Variants in ATL1 observed in about 807,000 individuals in gnomAD.
The protein encoded by ATL1 is atlastin GTPase 1, also known as atlastin-1.
ATL1 carries 31 observed loss-of-function variants against 75.5 expected under a neutral mutation model. The observed-to-expected ratio is 0.41, with a 90% CI of 0.31 to 0.55. The LOEUF is 0.55. Among genes scored for constraint, ATL1 ranks in the 20% least tolerant of loss-of-function variants. ATL1 has a pLI of 0.27. For synonymous variants in ATL1, 226 were observed against 233.3 expected, an observed-to-expected ratio of 0.97 and a Z score of 0.28; for missense variants, 405 against 662.6, an observed-to-expected ratio of 0.61 and a Z score of 4.27.
chr14:50,599,367 A>G (rs935466296), intron 6 of ATL1, among the ~76,000 whole-genome samples: 11 of 152,234 alleles, frequency 7.2e-5, no homozygotes, highest in Admixed American at 6.5e-4. Flanking sequence ...ACAATGAAAT[A>G]CCACTTTACA....
At chr14:50,565,149 G>C (rs1279761177) in intron 1 of ATL1, among the ~76,000 whole-genome samples, 1 of 152,000 alleles carries the variant, frequency 6.6e-6, no homozygotes, top group Non-Finnish European at 1.5e-5. Flanking sequence ...AATTAGCCGG[G>C]TGTGGTGGTG....
At chr14:50,579,399 G>T (rs954325635) in intron 1 of ATL1, among the ~76,000 whole-genome samples, 1 of 152,068 alleles carries the variant, frequency 6.6e-6, no homozygotes, top group Admixed American at 6.6e-5. Flanking sequence ...ATTATCTATT[G>T]GTGTCTGTTA....
chr14:50,546,571 G>C (rs2038635284), intron 1 of ATL1, among the ~76,000 whole-genome samples: 1 of 151,980 alleles, frequency 6.6e-6, no homozygotes, highest in South Asian at 2.1e-4. Flanking sequence ...TAAAATTATT[G>C]GTAAAATAAA....
intron 6 of ATL1, among the ~76,000 whole-genome samples, chr14:50,611,634 G>T (rs2039367422): frequency 6.6e-6 from 1 of 151,932 alleles, no homozygotes; most frequent in South Asian, 2.1e-4. Context: ...TCACAAAAAA[G>T]AATAAACACA....
At chr14:50,625,572 C>CT (rs757287191) in intron 11 of ATL1, among the ~76,000 whole-genome samples, 2 of 152,142 alleles carry the variant, frequency 1.3e-5, no homozygotes, top group African/African-American at 2.4e-5. Context: ...TAGCTGGTGA[C>CT]TTTAAGTCGA....
chr14:50,559,101 A>G (rs751038525), upstream of ATL1: 2 of 152,260 alleles, frequency 1.3e-5, no homozygotes, highest in Non-Finnish European at 2.9e-5. Context: ...GACTACAAGT[A>G]TAGATTTGGG....
chr14:50,571,387 C>T (rs2038953952), intron 1 of ATL1, among the ~76,000 whole-genome samples: 1 of 152,164 alleles, frequency 6.6e-6, no homozygotes, highest in South Asian at 2.1e-4. Flanking sequence ...AAATTAACTG[C>T]AATTTACTAT....
chr14:50,618,124 T>C (rs1369116626), intron 8 of ATL1, among the ~76,000 whole-genome samples: 1 of 152,222 alleles, frequency 6.6e-6, no homozygotes, highest in Non-Finnish European at 1.5e-5. Flanking sequence ...ATATACAAGT[T>C]CTGAAAGTGA....
chr14:50,557,397 A>G (rs2038777322), upstream of ATL1, among the ~76,000 whole-genome samples: 2 of 152,284 alleles, frequency 1.3e-5, no homozygotes, highest in South Asian at 4.1e-4. Context: ...TTTTTCACAG[A>G]TGAATGGATA....
Position 50,577,102 on chromosome 14 carries a change from G to A in ATL1, c.35-10729G>A, listed in dbSNP as rs146442392. Among the ~76,000 whole-genome samples, 387 of 151,962 alleles carry A rather than the reference G, an allele frequency of 2.5e-3. 2 individuals are homozygous for A. The highest frequency in any genetic ancestry group is 8.8e-3 in the African/African-American group (363 of 41,424). On this transcript the variant is annotated intron_variant, in intron 1 of 13. Coordinates refer to ENST00000358385, the MANE Select transcript of ATL1 (RefSeq NM_015915.5). ...TTTTGAGATGGAGTCTTGCTCTGTC[G>A]CCCAGGCTGGAATGCAGTGGCGCAA...
At chr14:50,603,472 A>C (rs562383087) in intron 6 of ATL1, among the ~76,000 whole-genome samples, 27 of 152,316 alleles carry the variant, frequency 1.8e-4, no homozygotes, top group African/African-American at 6.3e-4. Flanking sequence ...AAGGTTGCTG[A>C]AAAATAATAG....
chr14:50,564,709 C>T (rs1010960798), intron 1 of ATL1, among the ~76,000 whole-genome samples: 2 of 146,046 alleles, frequency 1.4e-5, no homozygotes, highest in East Asian at 2.0e-4. Context: ...CGATAGTATT[C>T]GCAGCAAAGT....
chr14:50,574,937 GTATATATATATATATATATATATATA>G (rs71118894), intron 1 of ATL1, among the ~76,000 whole-genome samples: 1 of 23,156 alleles, frequency 4.3e-5, no homozygotes, highest in Non-Finnish European at 7.8e-5. Flanking sequence ...GTGTGTGTGT[GTATATATATATATATATATATATATA>G]TATATATATA....
At position 50,614,477 on chromosome 14, in the gene ATL1, A is replaced by G. The variant is rs759421874; in HGVS notation, c.828A>G (p.Val276=). The G allele has an allele frequency of 1.9e-6, 3 of 1,614,026 alleles. No homozygotes were observed. The South Asian group carries it at 3.3e-5, about 18-fold the overall frequency. ...TGCTACCTCATCCTGGCTTAAAAGT[A>G]GCTACCAATCCAAACTTTGATGGAA... The part of the protein sequence containing the change: ...CFLLPHPGLK[V]ATNPNFDGKL... Residue 276 remains valine (V), a synonymous_variant, in exon 8 of 14, where the codon GTA becomes GTG. Transcript: ENST00000358385.
intron 1 of ATL1, among the ~76,000 whole-genome samples, chr14:50,534,652 A>T (rs1469430237): frequency 6.6e-6 from 1 of 152,266 alleles, no homozygotes; most frequent in African/African-American, 2.4e-5. Flanking sequence ...CTAGAGGCAG[A>T]TAGCATGGAA....
At chr14:50,628,507 A>G in intron 12 of ATL1, 45 bp downstream of exon 12, 1 of 1,570,918 alleles carries the variant, frequency 6.4e-7, no homozygotes, top group Non-Finnish European at 8.7e-7. Flanking sequence ...ACACATTTGA[A>G]TGTCATCCAT....
intron 1 of ATL1, among the ~76,000 whole-genome samples, chr14:50,550,673 A>T (rs2140159395): frequency 6.6e-6 from 1 of 152,378 alleles, no homozygotes; most frequent in Admixed American, 6.5e-5. Context: ...CAATAAACTT[A>T]AGAAAATCAA....
chr14:50,627,615 C>A (rs1384676174), intron 11 of ATL1, among the ~76,000 whole-genome samples: 2 of 152,122 alleles, frequency 1.3e-5, no homozygotes, highest in Non-Finnish European at 2.9e-5. Flanking sequence ...TAGCATTGAT[C>A]ATTGTTTATT....
chr14:50,602,877 G>C (rs1220983636), intron 6 of ATL1, among the ~76,000 whole-genome samples: 1 of 152,108 alleles, frequency 6.6e-6, no homozygotes, highest in African/African-American at 2.4e-5. Flanking sequence ...AATCATTTCT[G>C]AGCCATGCCA....
Sources: allele counts gnomAD v4.1 joint callset (sites outside exome capture counted in the v4.1 genomes callset), GRCh38; gene constraint gnomAD v4.1.1; transcripts MANE v1.5; gene names NCBI Gene and HGNC (gene_info 2026-07-23, HGNC 2026-07-21).